Variants in REDIC1 observed in about 807,000 individuals in gnomAD.
REDIC1 encodes HEI10 Interacting Protein 1.
the REDIC1 span, among the ~76,000 whole-genome samples, chr12:39,764,233 A>C: frequency 6.6e-6 from 1 of 152,036 alleles, no homozygotes; most frequent in Non-Finnish European, 1.5e-5. Context: ...GTTGGGTGAC[A>C]GCCCTAAGCA....
chr12:39,728,277 G>T, the REDIC1 span, among the ~76,000 whole-genome samples: 1 of 152,094 alleles, frequency 6.6e-6, no homozygotes, highest in Non-Finnish European at 1.5e-5. Flanking sequence ...TTGGCTGTGG[G>T]TTTGTCATAA....
the REDIC1 span, among the ~76,000 whole-genome samples, chr12:39,808,067 A>T: frequency 1.3e-5 from 2 of 152,198 alleles, no homozygotes; most frequent in African/African-American, 4.8e-5. Flanking sequence ...TGTAACCACT[A>T]CCACAGACAA....
chr12:39,886,989 C>G, the REDIC1 span, among the ~76,000 whole-genome samples: 64 of 152,234 alleles, frequency 4.2e-4, no homozygotes, highest in African/African-American at 1.5e-3. Context: ...AGAGGCAATA[C>G]TAAACATTTT....
chr12:39,698,670 C>T, the REDIC1 span, among the ~76,000 whole-genome samples: 1 of 151,966 alleles, frequency 6.6e-6, no homozygotes, highest in Non-Finnish European at 1.5e-5. Context: ...TGGAATAAAA[C>T]TAGAAATAAT....
chr12:39,769,543 T>C, the REDIC1 span, among the ~76,000 whole-genome samples: 8 of 43,450 alleles, frequency 1.8e-4, no homozygotes, highest in African/African-American at 5.8e-4. Context: ...AAAAACATTG[T>C]AGGGTGTAGG....
At chr12:39,789,327 G>T in the REDIC1 span, among the ~76,000 whole-genome samples, 2 of 151,936 alleles carry the variant, frequency 1.3e-5, no homozygotes, top group African/African-American at 2.4e-5. Flanking sequence ...TTTATTACTT[G>T]TTTAATTTCT....
chr12:39,812,349 TTTCTTTTC>T, the REDIC1 span, among the ~76,000 whole-genome samples: 1 of 127,266 alleles, frequency 7.9e-6, no homozygotes, highest in East Asian at 2.3e-4. Context: ...TTTCTTTTCT[TTTCTTTTC>T]TTTTCTTTTC....
At chr12:39,643,165 C>T in the REDIC1 span, among the ~76,000 whole-genome samples, 11 of 150,978 alleles carry the variant, frequency 7.3e-5, no homozygotes, top group Non-Finnish European at 1.3e-4. Flanking sequence ...AATGATGTAA[C>T]CTGAAAGAAA....
chr12:39,736,850 C>T, the REDIC1 span: 2 of 152,180 alleles, frequency 1.3e-5, no homozygotes, highest in South Asian at 2.1e-4. Flanking sequence ...CCAGCCCCAG[C>T]GTTTTGGGTC....
the REDIC1 span, chr12:39,682,771 G>A: frequency 3.1e-6 from 5 of 1,613,236 alleles, no homozygotes. Context: ...TTTTCTTGAA[G>A]ATGTGAACCA....
At chr12:39,860,845 C>T in the REDIC1 span, among the ~76,000 whole-genome samples, 34 of 152,292 alleles carry the variant, frequency 2.2e-4, no homozygotes, top group African/African-American at 7.7e-4. Context: ...AAACCAGTCT[C>T]CCTACATGAA....
the REDIC1 span, among the ~76,000 whole-genome samples, chr12:39,903,464 C>T: frequency 2.0e-5 from 3 of 152,166 alleles, no homozygotes; most frequent in Non-Finnish European, 4.4e-5. Flanking sequence ...TATCTCTTTA[C>T]TCAACTTCTG....
chr12:39,813,368 T>C, the REDIC1 span, among the ~76,000 whole-genome samples: 1 of 152,138 alleles, frequency 6.6e-6, no homozygotes, highest in African/African-American at 2.4e-5. Flanking sequence ...TAACCGGATG[T>C]ACCCATAACA....
the REDIC1 span, among the ~76,000 whole-genome samples, chr12:39,663,617 T>A: frequency 1.3e-5 from 2 of 152,082 alleles, no homozygotes; most frequent in Non-Finnish European, 2.9e-5. Context: ...ATTTCTGTCA[T>A]GTTATCAATT....
chr12:39,640,404 C>G, the REDIC1 span, among the ~76,000 whole-genome samples: 1 of 151,868 alleles, frequency 6.6e-6, no homozygotes, highest in Non-Finnish European at 1.5e-5. Context: ...GGTAAGCTCC[C>G]TGGCTTTATA....
chr12:39,648,738 A>G, the REDIC1 span, among the ~76,000 whole-genome samples: 2 of 150,890 alleles, frequency 1.3e-5, no homozygotes, highest in East Asian at 3.9e-4. Context: ...ACATATTTAT[A>G]TATTATTTAT....
At chr12:39,659,966 C>CAAT in the REDIC1 span, among the ~76,000 whole-genome samples, 1 of 152,064 alleles carries the variant, frequency 6.6e-6, no homozygotes, top group African/African-American at 2.4e-5. Flanking sequence ...CAAGCAGGAC[C>CAAT]AATAAGCCTT....
chr12:39,820,929 C>T, the REDIC1 span, among the ~76,000 whole-genome samples: 5 of 151,940 alleles, frequency 3.3e-5, no homozygotes, highest in South Asian at 8.3e-4. Context: ...CCTAAAGCCA[C>T]TCACATTAGC....
At chr12:39,704,951 T>C in the REDIC1 span, among the ~76,000 whole-genome samples, 39 of 151,890 alleles carry the variant, frequency 2.6e-4, no homozygotes, top group Non-Finnish European at 4.9e-4. Context: ...AGGGATGGCA[T>C]TGGGAGATAT....
Sources: gnomAD v4.1 joint callset for allele counts (sites outside exome capture counted in the v4.1 genomes callset) on GRCh38, gnomAD v4.1.1 for gene constraint, MANE v1.5 for transcripts, NCBI Gene and HGNC (gene_info 2026-07-23, HGNC 2026-07-21) for gene names.